RALYL: variants seen among roughly 807,000 people sequenced by gnomAD.
RALYL encodes RNA-binding Raly-like protein.
In RALYL, 29 loss-of-function variants were observed where a neutral mutation model predicts 35.1. The ratio of observed to expected loss-of-function variants is 0.83; its 90% CI spans 0.61 to 1.13. The LOEUF (loss-of-function observed/expected upper bound fraction) is 1.13, where lower values mean the gene tolerates loss of function less well. Among genes scored for constraint, RALYL ranks in the 50% most tolerant of loss-of-function variants. The pLI, the probability that RALYL is intolerant of heterozygous loss-of-function variation, is 0.00. For synonymous variants in RALYL, 120 were observed against 127.6 expected, an observed-to-expected ratio of 0.94 and a Z score of 0.40; for missense variants, 359 against 360.4, an observed-to-expected ratio of 1.00 and a Z score of 0.03.
intron 1 of RALYL, among the ~76,000 whole-genome samples, chr8:84,449,696 T>C (rs969783963): frequency 1.3e-5 from 2 of 152,030 alleles, no homozygotes; most frequent in African/African-American, 4.8e-5. Context: ...CTGAGAAACA[T>C]GGACTGAATT....
At chr8:84,784,319 A>G (rs1319847584) in intron 3 of RALYL, among the ~76,000 whole-genome samples, 1 of 152,220 alleles carries the variant, frequency 6.6e-6, no homozygotes, top group Non-Finnish European at 1.5e-5. Flanking sequence ...TGAGGAGAGG[A>G]GAGAAGAAGA....
At chr8:84,368,611 C>T (rs1403766096) in intron 1 of RALYL, among the ~76,000 whole-genome samples, 4 of 152,248 alleles carry the variant, frequency 2.6e-5, no homozygotes, top group South Asian at 2.1e-4. Flanking sequence ...GCACGTCTCA[C>T]GTGGCAGCAG....
At chr8:84,632,693 G>A (rs7845000) in intron 2 of RALYL, among the ~76,000 whole-genome samples, 3,091 of 151,742 alleles carry the variant, frequency 0.02, 104 homozygotes, top group African/African-American at 0.071. Flanking sequence ...TTCCGGATGA[G>A]ATCAGGGCTA....
At chr8:84,648,405 G>A (rs779116800) in intron 2 of RALYL, among the ~76,000 whole-genome samples, 39 of 152,170 alleles carry the variant, frequency 2.6e-4, no homozygotes, top group Middle Eastern at 3.4e-3. Context: ...ATTTGCATGT[G>A]GTTTGATTAG....
chr8:84,646,012 GTCT>G (rs2131437302), intron 2 of RALYL, among the ~76,000 whole-genome samples: 1 of 151,880 alleles, frequency 6.6e-6, no homozygotes, highest in East Asian at 1.9e-4. Context: ...GCAGATTCAG[GTCT>G]TCTTTTGTTT....
At chr8:84,774,762 T>C (rs1373416994) in intron 3 of RALYL, 108 bp downstream of exon 3, 1 of 719,596 alleles carries the variant, frequency 1.4e-6, no homozygotes, top group South Asian at 1.8e-5. Context: ...ATAATCCTTA[T>C]TGGAATAAAG....
intron 1 of RALYL, among the ~76,000 whole-genome samples, chr8:84,399,167 A>G (rs1344466436): frequency 6.6e-6 from 1 of 152,218 alleles, no homozygotes; most frequent in African/African-American, 2.4e-5. Flanking sequence ...CAATATCACA[A>G]GCAGCAGGAG....
Position 84,272,174 on chromosome 8 carries a change from C to CA in RALYL, c.-24+87750_-24+87751insA, listed in dbSNP as rs1303627036. On this transcript the variant is annotated intron_variant, in intron 1 of 8. Coordinates refer to ENST00000521268, the MANE Select transcript of RALYL (RefSeq NM_173848.7). ...ATGGCTTGATCTCAGCTCACTGCAA[C>CA]CTCCACCTCCCAGGTTCAAGCGATT... Among the ~76,000 whole-genome samples, 8 of 152,072 alleles carry CA rather than the reference C, an allele frequency of 5.3e-5. No individual in the cohort carries two copies. In the East Asian group the frequency reaches 1.5e-3, roughly 29 times the overall value.
intron 1 of RALYL, among the ~76,000 whole-genome samples, chr8:84,308,523 CT>C (rs1437666749): frequency 6.6e-6 from 1 of 152,102 alleles, no homozygotes. Context: ...GTCATGCCAC[CT>C]TGAATAACAT....
At chr8:84,305,466 A>G (rs1456605638) in intron 1 of RALYL, among the ~76,000 whole-genome samples, 2 of 152,212 alleles carry the variant, frequency 1.3e-5, no homozygotes, top group Admixed American at 6.5e-5. Flanking sequence ...TATATAGAGG[A>G]TTACTTAAAA....
At chr8:84,655,046 A>C (rs1829688731) in intron 2 of RALYL, among the ~76,000 whole-genome samples, 1 of 152,156 alleles carries the variant, frequency 6.6e-6, no homozygotes, top group South Asian at 2.1e-4. Context: ...GTTCTAATTT[A>C]TATTCTCACC....
At chr8:84,661,873 C>A (rs1192957878) in intron 2 of RALYL, among the ~76,000 whole-genome samples, 1 of 151,326 alleles carries the variant, frequency 6.6e-6, no homozygotes, top group South Asian at 2.1e-4. Context: ...AGGAATTATG[C>A]AAAACCCCTT....
chr8:84,254,003 C>T (rs1830748956), intron 1 of RALYL, among the ~76,000 whole-genome samples: 1 of 152,108 alleles, frequency 6.6e-6, no homozygotes, highest in Admixed American at 6.6e-5. Flanking sequence ...TTGACAAATG[C>T]ATCATGATAT....
chr8:84,297,517 G>A (rs1260064139), intron 1 of RALYL, among the ~76,000 whole-genome samples: 2 of 152,032 alleles, frequency 1.3e-5, no homozygotes, highest in Non-Finnish European at 2.9e-5. Context: ...TAATGAACAT[G>A]CACATGCATC....
intron 1 of RALYL, among the ~76,000 whole-genome samples, chr8:84,399,882 T>C (rs73302520): frequency 0.035 from 5,370 of 152,264 alleles, 320 homozygotes; most frequent in African/African-American, 0.12. Flanking sequence ...TGGTGGCTCA[T>C]GCCGTGGGTG....
At chr8:84,835,998 T>A (rs557637052) in intron 4 of RALYL, among the ~76,000 whole-genome samples, 59 of 152,180 alleles carry the variant, frequency 3.9e-4, no homozygotes, top group Non-Finnish European at 7.2e-4. Flanking sequence ...GAGATCTGTA[T>A]GTTACCTTGT....
chr8:84,254,081 A>G (rs1830766030), intron 1 of RALYL, among the ~76,000 whole-genome samples: 1 of 152,158 alleles, frequency 6.6e-6, no homozygotes. Context: ...TTTTAGGCAA[A>G]CCAAATAATT....
chr8:84,771,226 C>G (rs1815414786), intron 2 of RALYL, among the ~76,000 whole-genome samples: 1 of 152,020 alleles, frequency 6.6e-6, no homozygotes, highest in South Asian at 2.1e-4. Flanking sequence ...TTCTCTCTCT[C>G]TCTCTGTCTC....
intron 1 of RALYL, among the ~76,000 whole-genome samples, chr8:84,456,451 C>T (rs1479092): frequency 0.34 from 51,782 of 151,776 alleles, 9,291 homozygotes; most frequent in South Asian, 0.52. Context: ...CCTGGGCATC[C>T]AGCCCAAACC....
Sources: allele counts gnomAD v4.1 joint callset (sites outside exome capture counted in the v4.1 genomes callset), GRCh38; gene constraint gnomAD v4.1.1; transcripts MANE v1.5; gene names NCBI Gene and HGNC (gene_info 2026-07-23, HGNC 2026-07-21).